Variants in LPAR1 observed in about 807,000 individuals in gnomAD.
LPAR1 encodes the protein lysophosphatidic acid receptor 1.
In LPAR1, 5 loss-of-function variants were observed where a neutral mutation model predicts 23.8. The observed-to-expected ratio is 0.21, with a 90% CI of 0.11 to 0.44. LPAR1 has a LOEUF of 0.44. Ranked by LOEUF, LPAR1 falls within the 20% of genes least tolerant of loss-of-function variation. The probability of loss-of-function intolerance (pLI) is 0.99; values close to 1 mark genes in which losing one functional copy is unlikely to be tolerated. For synonymous variants in LPAR1, 160 were observed against 164.7 expected (o/e 0.97, Z 0.22); for missense variants, 311 against 482.8 (o/e 0.64, Z 3.33).
intron 2 of LPAR1, among the ~76,000 whole-genome samples, chr9:110,984,036 C>T (rs2096728484): frequency 6.6e-6 from 1 of 151,898 alleles, no homozygotes; most frequent in Non-Finnish European, 1.5e-5. Context: ...CTGATGCAGG[C>T]ATGCAATATG....
At chr9:110,885,248 G>A (rs1157421219) in intron 5 of LPAR1, among the ~76,000 whole-genome samples, 1 of 152,128 alleles carries the variant, frequency 6.6e-6, no homozygotes, top group Non-Finnish European at 1.5e-5. Context: ...ACATTCAAAT[G>A]CAGTGGGTGG....
chr9:111,028,507 G>T (rs1186212969), intron 2 of LPAR1, among the ~76,000 whole-genome samples: 1 of 151,662 alleles, frequency 6.6e-6, no homozygotes, highest in Admixed American at 6.6e-5. Flanking sequence ...AATCATAATG[G>T]CTTAGAAAAA....
intron 5 of LPAR1, among the ~76,000 whole-genome samples, chr9:110,915,806 T>C (rs1044286251): frequency 3.3e-5 from 5 of 152,192 alleles, no homozygotes; most frequent in Non-Finnish European, 7.3e-5. Flanking sequence ...CCATACGTTA[T>C]CATCAAAAAC....
At chr9:110,892,766 AGGGAAGG>A (rs2084731607) in intron 5 of LPAR1, among the ~76,000 whole-genome samples, 1 of 119,656 alleles carries the variant, frequency 8.4e-6, no homozygotes, top group Non-Finnish European at 1.7e-5. Context: ...AAGGGGAGGA[AGGGAAGG>A]AAGGAAGGAA....
intron 2 of LPAR1, among the ~76,000 whole-genome samples, chr9:110,983,297 T>C (rs1157509743): frequency 6.6e-6 from 1 of 152,044 alleles, no homozygotes; most frequent in Non-Finnish European, 1.5e-5. Context: ...TAAACTAAAT[T>C]GGTATATACA....
At chr9:110,909,873 G>A (rs905662519) in intron 5 of LPAR1, among the ~76,000 whole-genome samples, 3 of 151,466 alleles carry the variant, frequency 2.0e-5, no homozygotes, top group Admixed American at 1.3e-4. Flanking sequence ...TCAGCCTCCC[G>A]AGTAGCTGGG....
rs146716017 is a variant in LPAR1, at chr9:110,894,859, T to TAA, written c.794-19139_794-19138dup. 5.2e-3 allele frequency among the ~76,000 whole-genome samples: 744 copies of TAA among 144,180 alleles called. 7 individuals are homozygous for TAA. Among genetic ancestry groups the TAA allele is most frequent in the Middle Eastern group, 0.014 (4 of 280 alleles). The allele number at this position is 144,180 out of a possible 152,430, so 94.6% of individuals were successfully genotyped here. ...GCTGAAACCCTACCTCCAGAAAAAG[T>TAA]AAAAAAAAAAAATCAGCCAGATGCA... On this transcript the variant is annotated intron_variant, in intron 5 of 5. Transcript: ENST00000683809.
chr9:110,893,006 C>T (rs578221822), intron 5 of LPAR1, among the ~76,000 whole-genome samples: 34 of 152,182 alleles, frequency 2.2e-4, no homozygotes, highest in Non-Finnish European at 2.8e-4. Flanking sequence ...TGTTAGCAAG[C>T]GCTTTGGCTT....
chr9:110,942,585 C>T (rs2095181794), intron 4 of LPAR1, among the ~76,000 whole-genome samples: 1 of 152,214 alleles, frequency 6.6e-6, no homozygotes, highest in Non-Finnish European at 1.5e-5. Flanking sequence ...GATAGGGTAT[C>T]ATTGCCCTAT....
rs1268240023 is a variant in LPAR1 at position 111,035,827 on chromosome 9, A to T, written c.-182+295T>A. Among the ~76,000 whole-genome samples the T allele has an allele frequency of 2.0e-5, 3 of 152,234 alleles. No homozygotes were observed. In the South Asian group the frequency reaches 6.2e-4, roughly 31 times the overall value. ...GCTGAATACTTGGAGCTTCCCAGTG[A>T]AAATGATACAGTGTATTCTGCCCAG... On this transcript the variant is annotated intron_variant, in intron 2 of 5. Coordinates refer to ENST00000683809, the MANE Select transcript of LPAR1 (RefSeq NM_001351411.2).
At chr9:111,036,475 T>C (rs1335326612) in intron 1 of LPAR1, among the ~76,000 whole-genome samples, 4 of 152,108 alleles carry the variant, frequency 2.6e-5, no homozygotes, top group South Asian at 2.1e-4. Context: ...CCTGGCCCTC[T>C]GGACCTCTCA....
intron 4 of LPAR1, among the ~76,000 whole-genome samples, chr9:110,968,475 C>T (rs1203300742): frequency 6.6e-6 from 1 of 152,086 alleles, no homozygotes; most frequent in East Asian, 1.9e-4. Context: ...GGACACTTGA[C>T]ATTCACCTAT....
At chr9:110,986,662 A>G (rs1170661427) in intron 2 of LPAR1, among the ~76,000 whole-genome samples, 1 of 152,160 alleles carries the variant, frequency 6.6e-6, no homozygotes, top group East Asian at 1.9e-4. Context: ...AAAATTAGGG[A>G]AGAAAAGAGA....
At chr9:110,925,405 G>A (rs561793799) in intron 5 of LPAR1, among the ~76,000 whole-genome samples, 23 of 152,220 alleles carry the variant, frequency 1.5e-4, no homozygotes, top group African/African-American at 5.3e-4. Flanking sequence ...TTGGAAGATT[G>A]TATGAACATC....
intron 2 of LPAR1, among the ~76,000 whole-genome samples, chr9:110,993,788 G>T (rs1011433592): frequency 2.6e-5 from 4 of 152,144 alleles, no homozygotes; most frequent in Non-Finnish European, 5.9e-5. Context: ...CCTCAGATTA[G>T]GGAAATACAT....
At position 110,972,232 on chromosome 9, in the gene LPAR1, C is replaced by T; in HGVS notation, c.-103-12G>A. 1.1e-6 allele frequency: 1 copy of T among 875,576 alleles called. No individual in the cohort carries two copies. Among genetic ancestry groups the T allele is most frequent in the Non-Finnish European group, 1.9e-6 (1 of 522,706 alleles). 54.2% of individuals were successfully genotyped at this position (875,576 alleles called of 1,614,324 possible). On this transcript the variant is annotated splice_polypyrimidine_tract_variant and intron_variant, in intron 3 of 5. Coordinates refer to ENST00000683809, the MANE Select transcript of LPAR1 (RefSeq NM_001351411.2). The stretch of plus-strand genomic sequence containing the variant: ...GAGAAGCTGTGTACCTGGAAAACAA[C>T]AGGAAAACCCACATTTAGCATAAAA...
At chr9:111,024,448 A>T (rs1167838244) in intron 2 of LPAR1, among the ~76,000 whole-genome samples, 1 of 147,140 alleles carries the variant, frequency 6.8e-6, no homozygotes, top group Non-Finnish European at 1.5e-5. Flanking sequence ...ATTTTTATAT[A>T]TTTTTATATA....
In LPAR1 at chr9:110,952,201, A is replaced by G. The variant is rs527700907; in HGVS notation, c.46-10033T>C. 2.6e-4 allele frequency among the ~76,000 whole-genome samples: 39 copies of G among 152,316 alleles called. No homozygotes were observed. In the South Asian group the frequency reaches 8.1e-3, roughly 32 times the overall value. On this transcript the variant is annotated intron_variant, in intron 4 of 5. Coordinates refer to ENST00000683809, the MANE Select transcript of LPAR1 (RefSeq NM_001351411.2). Reference sequence around the variant, plus strand: ...AGCCTGCTGTTCTGGGACTGGCGAGAAGCCTGGAACAGCTCTTCGATGTAG... The same window carrying G: ...AGCCTGCTGTTCTGGGACTGGCGAGGAGCCTGGAACAGCTCTTCGATGTAG...
At chr9:110,931,579 G>A (rs2094419195) in intron 5 of LPAR1, among the ~76,000 whole-genome samples, 1 of 152,202 alleles carries the variant, frequency 6.6e-6, no homozygotes, top group African/African-American at 2.4e-5. Flanking sequence ...TGGTGTTTTA[G>A]ACATGAAGTC....
Sources: gnomAD v4.1 joint callset for allele counts (sites outside exome capture counted in the v4.1 genomes callset) on GRCh38, gnomAD v4.1.1 for gene constraint, MANE v1.5 for transcripts, NCBI Gene and HGNC (gene_info 2026-07-23, HGNC 2026-07-21) for gene names.